VPS13A: variants seen among roughly 807,000 people sequenced by gnomAD.
VPS13A encodes the protein vacuolar protein sorting 13 homolog A.
In VPS13A, 264 loss-of-function variants were observed where a neutral mutation model predicts 390.9. The ratio of observed to expected loss-of-function variants is 0.68; its 90% CI spans 0.61 to 0.75. The LOEUF (loss-of-function observed/expected upper bound fraction) is 0.75. Ranked by LOEUF, VPS13A falls within the 30% of genes least tolerant of loss-of-function variation. The pLI, the probability that VPS13A is intolerant of heterozygous loss-of-function variation, is 0.00. For missense variants in VPS13A, 3,409 were observed against 3,733.9 expected, an observed-to-expected ratio of 0.91 and a Z score of 2.27; for synonymous variants, 1,231 against 1,227.1, an observed-to-expected ratio of 1.00 and a Z score of -0.07.
chr9:77,205,939 T>A, intron 4 of VPS13A, 39 bp from the exon 5 acceptor site: 1 of 1,388,678 alleles, frequency 7.2e-7, no homozygotes, highest in Non-Finnish European at 9.9e-7. Context: ...TATTTAAATT[T>A]AAGGTAGTTA....
chr9:77,277,642 C>T (rs768794443), intron 26 of VPS13A, among the ~76,000 whole-genome samples: 2 of 152,174 alleles, frequency 1.3e-5, no homozygotes, highest in Non-Finnish European at 1.5e-5. Context: ...CATAGTTTTA[C>T]CAGCATGTCA....
rs1169865868 is a variant in VPS13A, at chr9:77,318,511, C to G, written c.5233C>G (p.Leu1745Val). The G allele has an allele frequency of 4.3e-6, 7 of 1,613,894 alleles. No homozygotes were observed. Among genetic ancestry groups the G allele is most frequent in the Non-Finnish European group, 8.5e-7 (1 of 1,179,898 alleles). Residue 1745 changes from leucine (L) to valine (V), a missense_variant, in exon 41 of 72, where the codon CTT (leucine) becomes GTT (valine). This residue lies in a region of VPS13A where 2,717 missense variants were observed against 2,917.4 expected (regional missense o/e 0.93). Transcript: ENST00000360280. ...AATTGGTCATAGAACAGTACCTATG[C>G]TTCTGGCAAAGTCACGTTTTTCAGG... ...AGIGHRTVPM[L>V]LAKSRFSGEG...
chr9:77,206,120 G>C, intron 5 of VPS13A, 41 bp downstream of exon 5: 1 of 1,278,684 alleles, frequency 7.8e-7, no homozygotes, highest in Non-Finnish European at 1.1e-6. Context: ...AAGAGAAGTA[G>C]AAAAGACCTA....
chr9:77,281,919 T>A lies in VPS13A; in HGVS notation c.2957T>A (p.Leu986Ter). ...LKSTYNNVLQ[L>*]IKVNFSSLDI... ...AGTACCTATAACAATGTTTTACAAT[T>A]GATTAAGGTATGAGTAGATAATTTA... Residue 986 changes from leucine to a stop codon, truncating the protein, a stop_gained, in exon 28 of 72, where the codon TTG becomes TAG. Transcript: ENST00000360280. LOFTEE classifies it high-confidence loss of function. 3.2e-6 allele frequency: 5 copies of A among 1,576,190 alleles called. No individual in the cohort carries two copies. The highest frequency in any genetic ancestry group is 1.1e-5 in the South Asian group (1 of 89,498).
intron 45 of VPS13A, among the ~76,000 whole-genome samples, chr9:77,328,927 C>T (rs1281401760): frequency 6.6e-6 from 1 of 152,170 alleles, no homozygotes; most frequent in Non-Finnish European, 1.5e-5. Flanking sequence ...AGGAAACTTA[C>T]AATCATGGCA....
chr9:77,409,730 G>A (rs149824849), intron 71 of VPS13A, among the ~76,000 whole-genome samples: 3,052 of 151,100 alleles, frequency 0.02, 216 homozygotes, highest in African/African-American at 0.064. Flanking sequence ...GAAATGAAGC[G>A]AGAAGAGAAG....
intron 39 of VPS13A, 114 bp from the exon 40 acceptor site, chr9:77,317,492 A>G (rs1370233810): frequency 8.2e-6 from 6 of 734,132 alleles, no homozygotes; most frequent in Non-Finnish European, 1.3e-5. Flanking sequence ...CACTTTTTAA[A>G]TAGTTGTTTT....
chr9:77,293,598 C>A, intron 32 of VPS13A, 90 bp downstream of exon 32: 2 of 774,106 alleles, frequency 2.6e-6, no homozygotes, highest in Non-Finnish European at 1.8e-6. Flanking sequence ...GAATTCCTTG[C>A]TTGAGATTTT....
At position 77,274,758 on chromosome 9, in the gene VPS13A, AT is replaced by A. The variant is rs1826547858; in HGVS notation, c.2513-739del. 2.0e-5 allele frequency among the ~76,000 whole-genome samples: 3 copies of A among 152,120 alleles called. 1 individual carries two copies. The South Asian group carries it at 6.2e-4, about 31-fold the overall frequency. On this transcript the variant is annotated intron_variant, in intron 24 of 71. Transcript: ENST00000360280. Reference sequence around the variant, plus strand: ...TAAATGTTAAATAACAGAAACTGCCATGTCGATTCTTGGTTTCTTAGAGAAC... The same window carrying A: ...TAAATGTTAAATAACAGAAACTGCCAGTCGATTCTTGGTTTCTTAGAGAAC...
At chr9:77,340,701 T>C in intron 50 of VPS13A, 151 bp downstream of exon 50, 1 of 900,944 alleles carries the variant, frequency 1.1e-6, no homozygotes, top group Non-Finnish European at 1.7e-6. Context: ...TGTGCCCTGC[T>C]CTAGATAGAT....
chr9:77,219,472 C>A (rs1223600291), intron 10 of VPS13A, among the ~76,000 whole-genome samples: 1 of 152,022 alleles, frequency 6.6e-6, no homozygotes, highest in African/African-American at 2.4e-5. Flanking sequence ...AGCAGGTAAT[C>A]CAGAGCAAAC....
Position 77,273,268 on chromosome 9 carries a change from C to T in VPS13A, c.2428-12C>T. On this transcript the variant is annotated splice_polypyrimidine_tract_variant and intron_variant, in intron 23 of 71. Transcript: ENST00000360280. ...TTTTGTGCTAATCAACATTGAATTA[C>T]TTTTCTTTCAGATTCAAACATCTAC... 6.2e-7 allele frequency: 1 copy of T among 1,600,700 alleles called. No homozygotes were observed. The highest frequency in any genetic ancestry group is 8.5e-7 in the Non-Finnish European group (1 of 1,169,728).
chr9:77,410,344 C>G (rs2131664932), intron 71 of VPS13A, among the ~76,000 whole-genome samples: 1 of 152,210 alleles, frequency 6.6e-6, no homozygotes, highest in Middle Eastern at 3.4e-3. Context: ...CAAAAACATG[C>G]CAAATTGTAA....
At chr9:77,201,323 A>T (rs373944070) in intron 2 of VPS13A, 42 bp from the exon 3 acceptor site, 1 of 1,380,214 alleles carries the variant, frequency 7.2e-7, no homozygotes, top group Middle Eastern at 1.8e-4. Flanking sequence ...GTTAAACTCT[A>T]TATCTACTAA....
chr9:77,351,208 G>A lies in VPS13A; in HGVS notation c.7290-109G>A, dbSNP rs10491844. Reference sequence around the variant, plus strand: ...ATTTCAGCCTTGTTTTAATCAGAACGATCACAGATCTCAGTGAACTAAGAA... The same window carrying A: ...ATTTCAGCCTTGTTTTAATCAGAACAATCACAGATCTCAGTGAACTAAGAA... On this transcript the variant is annotated intron_variant, in intron 52 of 71. Transcript: ENST00000360280. The A allele has an allele frequency of 0.1, 144,248 of 1,423,556 alleles. 7,790 individuals carry two copies. The highest frequency in any genetic ancestry group is 0.11 in the African/African-American group (7,853 of 70,346). 88.2% of individuals were successfully genotyped at this position (1,423,556 alleles called of 1,614,324 possible). A position where few individuals can be genotyped will look rare whatever the true frequency, so the allele number is the denominator to read the frequency against.
chr9:77,273,255 C>A, intron 23 of VPS13A, 25 bp from the exon 24 acceptor site: 1 of 1,563,690 alleles, frequency 6.4e-7, no homozygotes, highest in South Asian at 1.1e-5. Context: ...TTGTGCTAAT[C>A]AACATTGAAT....
At chr9:77,345,808 A>G (rs983823970) in intron 52 of VPS13A, among the ~76,000 whole-genome samples, 1 of 152,122 alleles carries the variant, frequency 6.6e-6, no homozygotes, top group Non-Finnish European at 1.5e-5. Flanking sequence ...TACAACTTCT[A>G]ATCATTGATT....
At chr9:77,178,433 A>G (rs955122445) in intron 1 of VPS13A, among the ~76,000 whole-genome samples, 6 of 152,222 alleles carry the variant, frequency 3.9e-5, no homozygotes, top group Admixed American at 1.3e-4. Flanking sequence ...AGGAAACTCA[A>G]GTGCAAAGTA....
At chr9:77,336,018 A>G (rs1587609082) in intron 46 of VPS13A, among the ~76,000 whole-genome samples, 3 of 152,194 alleles carry the variant, frequency 2.0e-5, no homozygotes, top group African/African-American at 7.2e-5. Context: ...ATGAAATACT[A>G]CGCAGCCATA....
Sources: allele counts gnomAD v4.1 joint callset (sites outside exome capture counted in the v4.1 genomes callset), GRCh38; gene constraint gnomAD v4.1.1; regional missense constraint gnomAD v4.1.1; transcripts MANE v1.5; gene names NCBI Gene and HGNC (gene_info 2026-07-23, HGNC 2026-07-21).